CROCC: variants seen among roughly 807,000 people sequenced by gnomAD.
The protein encoded by CROCC is rootletin.
Under a neutral mutation model 245.2 loss-of-function variants are expected in CROCC, and 180 were observed. That is an observed-to-expected ratio of 0.73 (90% CI 0.65 to 0.83). The LOEUF is 0.83. Among genes scored for constraint, CROCC ranks in the 40% least tolerant of loss-of-function variants. The probability of loss-of-function intolerance (pLI) is 0.00; values close to 1 mark genes in which losing one functional copy is unlikely to be tolerated. For missense variants in CROCC, 2,688 were observed against 2,779.4 expected (o/e 0.97, Z 0.74); for synonymous variants, 1,205 against 1,241.6 (o/e 0.97, Z 0.62).
intron 6 of CROCC, 24 bp downstream of exon 6, chr1:16,930,371 A>C: frequency 6.2e-7 from 1 of 1,611,198 alleles, no homozygotes; most frequent in Non-Finnish European, 8.5e-7. Flanking sequence ...AGGGAGGGCC[A>C]GGGCTGGCAG....
At chr1:16,967,165 G>C (rs12097163) in intron 30 of CROCC, among the ~76,000 whole-genome samples, 115,924 of 152,176 alleles carry the variant, frequency 0.76, 44,342 homozygotes, top group East Asian at 0.85. Context: ...CAGTGATTAC[G>C]TCACAGGGTG....
At chr1:16,922,945 G>A (rs2075442757) in intron 2 of CROCC, 147 bp downstream of exon 2, 1 of 1,271,828 alleles carries the variant, frequency 7.9e-7, no homozygotes, top group Non-Finnish European at 1.1e-6. Flanking sequence ...CCATTTTACA[G>A]ATGAGGAAAC....
In CROCC at chr1:16,948,456, C is replaced by T. The variant is rs779553796; in HGVS notation, c.2640C>T (p.Gly880=). The change falls in exon 18 of 37, where the codon GGC becomes GGT. Residue 880 remains glycine (G), a synonymous_variant. Coordinates refer to ENST00000375541, the MANE Select transcript of CROCC (RefSeq NM_014675.5). ...AGGCGCTAGCCAAGGAGCACGCTGG[C>T]CTGGCTGTGCAGCTGGTGGCTGCGG... ...EKEALAKEHA[G]LAVQLVAAER... 3 of 1,560,690 alleles carry T rather than the reference C, an allele frequency of 1.9e-6. No individual in the cohort carries two copies. Among genetic ancestry groups the T allele is most frequent in the Admixed American group, 3.8e-5 (2 of 52,462 alleles).
chr1:16,930,390 C>T lies in CROCC; in HGVS notation c.684-39C>T, dbSNP rs773426122. The stretch of plus-strand genomic sequence containing the variant: ...AGGGCCAGGGCTGGCAGGATGGCCC[C>T]CTGCGCGAGCGCCTACTGATCCCCT... On this transcript the variant is annotated intron_variant, in intron 6 of 36. Transcript: ENST00000375541. 1.8e-5 allele frequency: 29 copies of T among 1,611,182 alleles called. No individual in the cohort carries two copies. The African/African-American group carries it at 2.5e-4, about 14-fold the overall frequency.
At chr1:16,960,615 G>A (rs1482640939) in intron 26 of CROCC, 143 bp from the exon 27 acceptor site, 1 of 1,149,690 alleles carries the variant, frequency 8.7e-7, no homozygotes, top group African/African-American at 1.6e-5. Flanking sequence ...TTTTTGCACC[G>A]CCTGCTTGAG....
intron 13 of CROCC, 57 bp downstream of exon 13, chr1:16,940,150 A>C (rs2075896375): frequency 1.3e-6 from 2 of 1,535,142 alleles, no homozygotes. Flanking sequence ...TCTGGGCATA[A>C]CACCAGTCAA....
chr1:16,927,465 C>T (rs1473883031), intron 3 of CROCC, among the ~76,000 whole-genome samples: 1 of 152,256 alleles, frequency 6.6e-6, no homozygotes, highest in Non-Finnish European at 1.5e-5. Context: ...TGCGGTTGTA[C>T]ACTTGCCTCA....
At chr1:16,946,231 C>T in intron 15 of CROCC, 28 bp from the exon 16 acceptor site, 2 of 1,605,642 alleles carry the variant, frequency 1.2e-6, no homozygotes, top group Admixed American at 1.7e-5. Flanking sequence ...TTCTGCCTTT[C>T]CTCATTTCTC....
rs553108881 is a variant in CROCC, at chr1:16,936,797, G to A, written c.1117G>A (p.Asp373Asn). The A allele has an allele frequency of 2.5e-6, 4 of 1,612,036 alleles. No homozygotes were observed. Among genetic ancestry groups the A allele is most frequent in the African/African-American group, 2.7e-5 (2 of 75,058 alleles). Residue 373 changes from aspartate (D) to asparagine (N), a missense_variant, in exon 9 of 37, where the codon GAC (aspartate) becomes AAC (asparagine). Physicochemically the swap from Asp to Asn is conservative, Grantham distance 23. Coordinates refer to ENST00000375541, the MANE Select transcript of CROCC (RefSeq NM_014675.5). Reference protein sequence around the residue: ...LQAQLEEQLRDKVLREKDLAQ... With the variant: ...LQAQLEEQLRNKVLREKDLAQ... The stretch of plus-strand genomic sequence containing the variant: ...GGCCCAGCTGGAGGAGCAGCTGCGG[G>A]ACAAGGTGCTCCGCGAGAAGGACCT...
At chr1:16,928,802 C>CA (rs1557581785) in intron 3 of CROCC, among the ~76,000 whole-genome samples, 1 of 151,132 alleles carries the variant, frequency 6.6e-6, no homozygotes, top group South Asian at 2.1e-4. Flanking sequence ...GACTCTGTCT[C>CA]AAAAAAATAA....
rs1553152531 is a variant in CROCC, at chr1:16,930,680, A to AGAGGGAGCACGGTCC, written c.849+96_849+97insGGTCCGAGGGAGCAC. The AGAGGGAGCACGGTCC allele has an allele frequency of 1.5e-5, 17 of 1,148,526 alleles. No individual in the cohort carries two copies. In the African/African-American group the frequency reaches 2.6e-4, roughly 18 times the overall value. 71.1% of individuals were successfully genotyped at this position (1,148,526 alleles called of 1,614,324 possible). A position where few individuals can be genotyped will look rare whatever the true frequency, so the allele number is the denominator to read the frequency against. Reference sequence around the variant, plus strand: ...GGAGGACTCAGAAGCCTGGAGAGGGAGAGGGAGCACTGTCCAAGGGAGCCT... The same window carrying AGAGGGAGCACGGTCC: ...GGAGGACTCAGAAGCCTGGAGAGGGAGAGGGAGCACGGTCCGAGGGAGCACTGTCCAAGGGAGCCT... On this transcript the variant is annotated intron_variant, in intron 7 of 36. Coordinates refer to ENST00000375541, the MANE Select transcript of CROCC (RefSeq NM_014675.5).
At position 16,972,698 on chromosome 1, in the gene CROCC, G is replaced by C; in HGVS notation, c.*252G>C. The C allele has an allele frequency of 2.9e-6, 1 of 344,420 alleles. No homozygotes were observed. Among genetic ancestry groups the C allele is most frequent in the Non-Finnish European group, 5.3e-6 (1 of 189,818 alleles). 21.3% of individuals were successfully genotyped at this position (344,420 alleles called of 1,614,324 possible). The stretch of plus-strand genomic sequence containing the variant: ...AGATCATTAAAGTTCCTCCTTGAGA[G>C]GCTGAGCCGTAGCCAGGATTGGGGA... On this transcript the variant is annotated 3_prime_UTR_variant, in exon 37 of 37. Coordinates refer to ENST00000375541, the MANE Select transcript of CROCC (RefSeq NM_014675.5).
At chr1:16,915,402 A>G (rs760457945) in intron 1 of CROCC, among the ~76,000 whole-genome samples, 11 of 152,296 alleles carry the variant, frequency 7.2e-5, no homozygotes, top group Non-Finnish European at 1.6e-4. Flanking sequence ...CCAACCTGGC[A>G]CTTTGGGAGG....
chr1:16,939,012 C>A lies in CROCC; in HGVS notation c.1478C>A (p.Pro493Gln), dbSNP rs201951425. ...CGGGGGCTCTCGGGCCAGCGGACCC[C>A]GTCCCCACCGCGGCGCTCCTCGCCC... ...SLRGLSGQRT[P>Q]SPPRRSSPGR... is the part of the protein sequence containing the mutation. The change falls in exon 12 of 37, where the codon CCG becomes CAG. Residue 493 changes from proline (P) to glutamine (Q), a missense_variant. Physicochemically the swap from Pro to Gln is moderately conservative, Grantham distance 76 (BLOSUM62 -1). Transcript: ENST00000375541. 7 of 1,601,258 alleles carry A rather than the reference C, an allele frequency of 4.4e-6. No homozygotes were observed. Among genetic ancestry groups the A allele is most frequent in the Non-Finnish European group, 6.0e-6 (7 of 1,175,752 alleles).
chr1:16,917,111 C>G (rs2075314395), upstream of CROCC, among the ~76,000 whole-genome samples: 1 of 152,294 alleles, frequency 6.6e-6, no homozygotes, highest in Non-Finnish European at 1.5e-5. Context: ...GAGCCAGACT[C>G]CATCTCAAAA....
At chr1:16,970,536 A>T (rs1447287216) in intron 34 of CROCC, 83 bp downstream of exon 34, 6 of 1,474,546 alleles carry the variant, frequency 4.1e-6, no homozygotes, top group Non-Finnish European at 5.4e-6. Flanking sequence ...AGGGTCTGCT[A>T]CCTCTGGTGG....
In CROCC at chr1:16,968,391, G is replaced by A. The variant is rs1309156019; in HGVS notation, c.5049G>A (p.Gln1683=). 2 of 1,503,056 alleles carry A rather than the reference G, an allele frequency of 1.3e-6. No homozygotes were observed. The highest frequency in any genetic ancestry group is 2.3e-5 in the Admixed American group (1 of 42,852). 93.1% of individuals were successfully genotyped at this position (1,503,056 alleles called of 1,614,324 possible). ...GCGAGGCCCAAGCCCAGGCCCTCCA[G>A]GATCGGGTGGATTCCCTGCAGAGAC... ...SDREAQAQAL[Q]DRVDSLQRQV... The change falls in exon 31 of 37, where the codon CAG becomes CAA. Residue 1683 remains glutamine, a synonymous_variant. Coordinates refer to ENST00000375541, the MANE Select transcript of CROCC (RefSeq NM_014675.5).
In CROCC at chr1:16,946,899, C is replaced by T. The variant is rs1375875722; in HGVS notation, c.2422C>T (p.Leu808=). Reference sequence around the variant, plus strand: ...GGCGCGGCAGGGCCTGGAGGGCTCCCTACGAGTGGCGGAGCAGGCCCAGGA... The same window carrying T: ...GGCGCGGCAGGGCCTGGAGGGCTCCTTACGAGTGGCGGAGCAGGCCCAGGA... ...EVARQGLEGS[L]RVAEQAQEAL... The change falls in exon 17 of 37, where the codon CTA becomes TTA. Residue 808 remains leucine (L), a synonymous_variant. Transcript: ENST00000375541. 34 of 1,565,490 alleles carry T rather than the reference C, an allele frequency of 2.2e-5. No homozygotes were observed. The highest frequency in any genetic ancestry group is 5.7e-5 in the Admixed American group (3 of 52,438).
At chr1:16,920,025 A>G (rs1049136704), upstream of CROCC, among the ~76,000 whole-genome samples, 6 of 151,068 alleles carry the variant, frequency 4.0e-5, no homozygotes, top group East Asian at 3.9e-4. Flanking sequence ...CTGAGTAGCT[A>G]GGATTATATG....
Sources: gnomAD v4.1 joint callset for allele counts (sites outside exome capture counted in the v4.1 genomes callset) on GRCh38, gnomAD v4.1.1 for gene constraint, MANE v1.5 for transcripts, NCBI Gene and HGNC (gene_info 2026-07-23, HGNC 2026-07-21) for gene names.